ASAP1: variants seen among roughly 807,000 people sequenced by gnomAD.
ASAP1 encodes the protein arf-GAP with SH3 domain, ANK repeat and PH domain-containing protein 1.
In ASAP1, 43 loss-of-function variants were observed where a neutral mutation model predicts 145.2. The observed-to-expected ratio is 0.30, with a 90% CI of 0.23 to 0.38. The LOEUF (loss-of-function observed/expected upper bound fraction) is 0.38. Among genes scored for constraint, ASAP1 ranks in the 10% least tolerant of loss-of-function variants. The pLI is 1.00. For missense variants in ASAP1, 1,018 were observed against 1,355.3 expected (o/e 0.75, Z 3.91); for synonymous variants, 546 against 515.5 (o/e 1.06, Z -0.80).
intron 3 of ASAP1, among the ~76,000 whole-genome samples, chr8:130,335,578 G>T (rs768821806): frequency 2.0e-5 from 3 of 152,186 alleles, no homozygotes; most frequent in Non-Finnish European, 2.9e-5. Context: ...AATCAACAGT[G>T]CCTAAAGAGC....
At chr8:130,209,476 T>C (rs1037944342) in intron 5 of ASAP1, among the ~76,000 whole-genome samples, 1 of 151,940 alleles carries the variant, frequency 6.6e-6, no homozygotes, top group Non-Finnish European at 1.5e-5. Flanking sequence ...GTAAAACAGC[T>C]GTTGTCTTAA....
At chr8:130,134,252 T>C (rs771112732) in intron 15 of ASAP1, 44 bp downstream of exon 15, 1 of 1,443,976 alleles carries the variant, frequency 6.9e-7, no homozygotes, top group South Asian at 1.3e-5. Flanking sequence ...AGAGAGGTGC[T>C]TTTTCAATCC....
intron 22 of ASAP1, among the ~76,000 whole-genome samples, 182 bp downstream of exon 22, chr8:130,116,496 T>G (rs774477645): frequency 6.6e-6 from 1 of 152,240 alleles, no homozygotes. Context: ...TCCAAAAACA[T>G]GTGGATGACA....
intron 3 of ASAP1, among the ~76,000 whole-genome samples, chr8:130,280,382 G>C (rs117175622): frequency 7.2e-5 from 11 of 152,188 alleles, no homozygotes; most frequent in African/African-American, 2.2e-4. Context: ...GGCATTTTGT[G>C]GATAAAGTCT....
At position 130,214,591 on chromosome 8, in the gene ASAP1, G is replaced by C; in HGVS notation, c.370C>G (p.Leu124Val). ...AGCAGTGTGGACAGTTCCTTTGTAA[G>C]AGTAGAAAACTTGACAAACGCGGTG... ...LGTAFVKFST[L>V]TKELSTLLKN... Residue 124 changes from leucine (L) to valine (V), a missense_variant, in exon 5 of 30, where the codon CTT becomes GTT. Physicochemically the swap from Leu to Val is conservative, Grantham distance 32. Around this residue, in one of 9 missense-constraint regions of ASAP1, gnomAD observed 78 missense variants for 161.0 expected, o/e 0.48. Coordinates refer to ENST00000518721, the MANE Select transcript of ASAP1 (RefSeq NM_018482.4). 1.2e-6 allele frequency: 2 copies of C among 1,612,420 alleles called. No individual in the cohort carries two copies. The highest frequency in any genetic ancestry group is 8.5e-7 in the Non-Finnish European group (1 of 1,179,482).
At chr8:130,309,618 G>GGCAGC (rs1823210300) in intron 3 of ASAP1, among the ~76,000 whole-genome samples, 1 of 152,168 alleles carries the variant, frequency 6.6e-6, no homozygotes, top group South Asian at 2.1e-4. Flanking sequence ...AGAAGCAAAG[G>GGCAGC]GCAGCCACCG....
At chr8:130,197,949 A>C (rs2136293962) in intron 5 of ASAP1, among the ~76,000 whole-genome samples, 1 of 152,206 alleles carries the variant, frequency 6.6e-6, no homozygotes, top group Middle Eastern at 3.4e-3. Flanking sequence ...TTTCTTGTTC[A>C]GCCTGCTGCC....
intron 28 of ASAP1, among the ~76,000 whole-genome samples, chr8:130,058,404 C>A (rs981888219): frequency 6.6e-6 from 1 of 152,176 alleles, no homozygotes; most frequent in Admixed American, 6.5e-5. Flanking sequence ...TCTGTACGCA[C>A]CCCCAACCCA....
At chr8:130,215,462 G>A (rs898461520) in intron 4 of ASAP1, among the ~76,000 whole-genome samples, 1 of 151,788 alleles carries the variant, frequency 6.6e-6, no homozygotes, top group Admixed American at 6.6e-5. Flanking sequence ...CTGGGTGTAG[G>A]GCCGGGAGCG....
At chr8:130,415,580 G>A (rs997741175) in intron 1 of ASAP1, among the ~76,000 whole-genome samples, 2 of 152,196 alleles carry the variant, frequency 1.3e-5, no homozygotes, top group African/African-American at 4.8e-5. Flanking sequence ...CTGAGGTCAG[G>A]AGTTCAAGAC....
Position 130,162,766 on chromosome 8 carries a change from C to A in ASAP1, c.910-2802G>T, listed in dbSNP as rs544547866. Among the ~76,000 whole-genome samples the A allele has an allele frequency of 8.0e-5, 12 of 149,992 alleles. No individual in the cohort carries two copies. In the South Asian group the frequency reaches 2.5e-3, roughly 32 times the overall value. On this transcript the variant is annotated intron_variant, in intron 11 of 29. Coordinates refer to ENST00000518721, the MANE Select transcript of ASAP1 (RefSeq NM_018482.4). ...CCAGGAGGCGGGGCTTGCAGTGAAC[C>A]GAGATTGCGCCACTGCACTCCAGCC... is the stretch of plus-strand genomic sequence containing the variant.
At chr8:130,147,193 A>C (rs2097633374) in intron 13 of ASAP1, among the ~76,000 whole-genome samples, 2 of 95,976 alleles carry the variant, frequency 2.1e-5, no homozygotes, top group Non-Finnish European at 3.9e-5. Flanking sequence ...AGGGAAATGC[A>C]GTCTCAAAAA....
intron 3 of ASAP1, among the ~76,000 whole-genome samples, chr8:130,264,855 T>C (rs573466617): frequency 6.6e-6 from 1 of 151,830 alleles, no homozygotes; most frequent in Admixed American, 6.6e-5. Flanking sequence ...CTTGGGTGAG[T>C]CAGGGAGAAT....
At chr8:130,342,912 T>G (rs778159956) in intron 3 of ASAP1, among the ~76,000 whole-genome samples, 2 of 152,098 alleles carry the variant, frequency 1.3e-5, no homozygotes, top group Admixed American at 1.3e-4. Flanking sequence ...CTCTGCCAAG[T>G]GTTAAGTGGG....
At chr8:130,107,388 T>A (rs1481833734) in intron 24 of ASAP1, among the ~76,000 whole-genome samples, 1 of 151,844 alleles carries the variant, frequency 6.6e-6, no homozygotes, top group Non-Finnish European at 1.5e-5. Flanking sequence ...GGTTTTACCA[T>A]GTTAGCCAGG....
At chr8:130,350,358 C>G (rs1311057396) in intron 3 of ASAP1, among the ~76,000 whole-genome samples, 2 of 152,200 alleles carry the variant, frequency 1.3e-5, no homozygotes, top group Non-Finnish European at 1.5e-5. Context: ...TCTGTCTCAT[C>G]TTTGGGCCTC....
rs74333994 is a variant in ASAP1 at position 130,077,068 on chromosome 8, G to A, written c.2643-662C>T. 2.1e-3 allele frequency among the ~76,000 whole-genome samples: 327 copies of A among 152,340 alleles called. 1 individual carries two copies. The highest frequency in any genetic ancestry group is 7.6e-3 in the African/African-American group (314 of 41,576). On this transcript the variant is annotated intron_variant, in intron 26 of 29. Transcript: ENST00000518721. The stretch of plus-strand genomic sequence containing the variant: ...CCAGACAAGGAAATGGAAGGGAATG[G>A]GGGTGTTGGCGGCTGGCAGAAGGTC...
chr8:130,259,523 AG>A, intron 3 of ASAP1, among the ~76,000 whole-genome samples: 1 of 152,334 alleles, frequency 6.6e-6, no homozygotes, highest in South Asian at 2.1e-4. Flanking sequence ...CAAAAAAAGC[AG>A]GGCTCTGATC....
At chr8:130,218,288 C>T (rs147579056) in intron 4 of ASAP1, among the ~76,000 whole-genome samples, 1 of 152,210 alleles carries the variant, frequency 6.6e-6, no homozygotes, top group East Asian at 1.9e-4. Context: ...AAGGGAAGCA[C>T]CTCAGTAGTA....
Sources: allele counts gnomAD v4.1 joint callset (sites outside exome capture counted in the v4.1 genomes callset), GRCh38; gene constraint gnomAD v4.1.1; regional missense constraint gnomAD v4.1.1; transcripts MANE v1.5; gene names NCBI Gene and HGNC (gene_info 2026-07-23, HGNC 2026-07-21).